NOTCH1: variants seen among roughly 807,000 people sequenced by gnomAD.
The protein encoded by NOTCH1 is neurogenic locus notch homolog protein 1.
A neutral mutation model predicts 254.8 loss-of-function variants in NOTCH1; 37 were observed. The observed-to-expected ratio is 0.15, with a 90% confidence interval of 0.11 to 0.19. NOTCH1 has a LOEUF of 0.19. Among genes scored for constraint, NOTCH1 ranks in the 10% least tolerant of loss-of-function variants. The pLI, the probability that NOTCH1 is intolerant of heterozygous loss-of-function variation, is 1.00. For synonymous variants in NOTCH1, 1,731 were observed against 1,618.1 expected, an observed-to-expected ratio of 1.07 and a Z score of -1.68; for missense variants, 2,972 against 3,708.6, an observed-to-expected ratio of 0.80 and a Z score of 5.16.
intron 2 of NOTCH1, among the ~76,000 whole-genome samples, chr9:136,531,505 C>G (rs569800776): frequency 6.6e-6 from 1 of 152,232 alleles, no homozygotes; most frequent in Non-Finnish European, 1.5e-5. Context: ...CTCCCAGGAC[C>G]GGGAAGTCTG....
rs1227337588 is a variant in NOTCH1 at position 136,515,977 on chromosome 9, G to T, written c.1669+4C>A. ...CCTCCCCGCTGGTGGGCGCCAGCCC[G>T]CACCTTCCGTGCACACACAGGTGTA... is the stretch of plus-strand genomic sequence containing the variant. On this transcript the variant is annotated splice_donor_region_variant and intron_variant, in intron 10 of 33. Transcript: ENST00000651671. 2 of 1,606,168 alleles carry T rather than the reference G, an allele frequency of 1.2e-6. No homozygotes were observed. The highest frequency in any genetic ancestry group is 1.7e-6 in the Non-Finnish European group (2 of 1,176,618).
intron 12 of NOTCH1, among the ~76,000 whole-genome samples, 200 bp downstream of exon 12, chr9:136,515,090 C>T (rs375615538): frequency 2.0e-5 from 3 of 152,184 alleles, no homozygotes; most frequent in African/African-American, 4.8e-5. Flanking sequence ...CAGCTCTGAC[C>T]GGAGACAAGA....
intron 2 of NOTCH1, among the ~76,000 whole-genome samples, 182 bp from the exon 3 acceptor site, chr9:136,524,161 C>T (rs560203836): frequency 5.3e-5 from 8 of 152,310 alleles, no homozygotes; most frequent in East Asian, 1.9e-4. Context: ...ACACATGCCG[C>T]GATTGCACAA....
At chr9:136,516,712 A>T (rs1351875982) in intron 9 of NOTCH1, among the ~76,000 whole-genome samples, 1 of 152,066 alleles carries the variant, frequency 6.6e-6, no homozygotes, top group Non-Finnish European at 1.5e-5. Context: ...AGCTCCTGGT[A>T]TACCCTTCTC....
At chr9:136,532,776 G>T (rs956397308) in intron 2 of NOTCH1, among the ~76,000 whole-genome samples, 1 of 152,184 alleles carries the variant, frequency 6.6e-6, no homozygotes, top group Non-Finnish European at 1.5e-5. Context: ...GCCCGGGGTC[G>T]CACGGCCCAC....
chr9:136,537,128 G>T (rs1843668495), intron 2 of NOTCH1, among the ~76,000 whole-genome samples: 1 of 152,218 alleles, frequency 6.6e-6, no homozygotes, highest in African/African-American at 2.4e-5. Flanking sequence ...TGGCTGTCGG[G>T]TGGCTGCACC....
rs1842927436 is a variant in NOTCH1, at chr9:136,497,009, T to A, written c.6730A>T (p.Ile2244Phe). ...TTGGCCGCCACGTTCAGGTGCCCGA[T>A]GCCCAGGTGGGTGTCGGGCATCCCA... ...LPGMPDTHLG[I>F]GHLNVAAKPE... The change falls in exon 34 of 34, where the codon ATC (isoleucine) becomes TTC (phenylalanine). Residue 2244 changes from isoleucine (I) to phenylalanine (F), a missense_variant. Transcript: ENST00000651671. The A allele has an allele frequency of 1.2e-6, 2 of 1,609,942 alleles. No homozygotes were observed. The highest frequency in any genetic ancestry group is 1.7e-6 in the Non-Finnish European group (2 of 1,178,634).
intron 18 of NOTCH1, 51 bp from the exon 19 acceptor site, chr9:136,509,122 C>T (rs1843137214): frequency 6.7e-7 from 1 of 1,493,558 alleles, no homozygotes; most frequent in Non-Finnish European, 9.1e-7. Flanking sequence ...TGGTGGGTCC[C>T]CGCTCCAGCA....
intron 2 of NOTCH1, among the ~76,000 whole-genome samples, chr9:136,537,293 C>A (rs963159965): frequency 1.3e-5 from 2 of 152,214 alleles, no homozygotes; most frequent in African/African-American, 4.8e-5. Flanking sequence ...CAGAAGAATG[C>A]AGTTCTAGTC....
rs1437031558 is a variant in NOTCH1, at chr9:136,546,014, G to A, written c.-228C>T. 1.3e-5 allele frequency among the ~76,000 whole-genome samples: 2 copies of A among 148,160 alleles called. No individual in the cohort carries two copies. Among genetic ancestry groups the A allele is most frequent in the Non-Finnish European group, 3.0e-5 (2 of 66,784 alleles). On this transcript the variant is annotated 5_prime_UTR_variant, in exon 1 of 34. Coordinates refer to ENST00000651671, the MANE Select transcript of NOTCH1 (RefSeq NM_017617.5). ...CCCGCGCCCGCGCCCCGCGCCCCGC[G>A]CCCTTGCGCTCCCTCCCGCGGCCGA...
At chr9:136,501,459 A>AG (rs1842994413) in intron 30 of NOTCH1, among the ~76,000 whole-genome samples, 3 of 151,536 alleles carry the variant, frequency 2.0e-5, no homozygotes, top group African/African-American at 7.3e-5. Context: ...AGAAAAAAAA[A>AG]AAGAAAAAGA....
chr9:136,531,967 G>A (rs1170152530), intron 2 of NOTCH1, among the ~76,000 whole-genome samples: 2 of 152,214 alleles, frequency 1.3e-5, no homozygotes, highest in Admixed American at 6.5e-5. Context: ...CTCGCCTGCC[G>A]GCCCAGTCCC....
chr9:136,507,062 G>A, intron 22 of NOTCH1, 89 bp from the exon 23 acceptor site: 3 of 1,542,682 alleles, frequency 1.9e-6, no homozygotes, highest in Non-Finnish European at 2.6e-6. Flanking sequence ...GAGCGCTCAG[G>A]TCTGGGGCTG....
intron 15 of NOTCH1, among the ~76,000 whole-genome samples, chr9:136,512,431 G>A (rs1166359030): frequency 6.6e-6 from 1 of 152,202 alleles, no homozygotes; most frequent in Non-Finnish European, 1.5e-5. Context: ...CTTTTCTAGA[G>A]GAGATCATTT....
chr9:136,511,245 G>GGGCCAGCACCACCTCACACGT lies in NOTCH1; in HGVS notation c.2473_2493dup (p.Thr825_Ala831dup). 3.7e-6 allele frequency: 6 copies of GGGCCAGCACCACCTCACACGT among 1,612,470 alleles called. No individual in the cohort carries two copies. Among genetic ancestry groups the GGGCCAGCACCACCTCACACGT allele is most frequent in the Non-Finnish European group, 5.1e-6 (6 of 1,179,930 alleles). On this transcript the variant is annotated inframe_insertion, in exon 16 of 34. Coordinates refer to ENST00000651671, the MANE Select transcript of NOTCH1 (RefSeq NM_017617.5). ...TTTCTGCAGGGGCTGGGGGCACACG[G>GGGCCAGCACCACCTCACACGT]GGCCAGCACCACCTCACACGTGGCA... is the stretch of plus-strand genomic sequence containing the variant.
Position 136,516,041 on chromosome 9 carries a change from A to AG in NOTCH1, c.1608dup (p.Cys537LeufsTer33). ...TCCAGGCACTTGGCACCATTCTTGC[A>AG]GGGGGTGCTGGCACACTCGTCCACA... On this transcript the variant is annotated frameshift_variant, in exon 10 of 34. Coordinates refer to ENST00000651671, the MANE Select transcript of NOTCH1 (RefSeq NM_017617.5). LOFTEE classifies it high-confidence loss of function. The AG allele has an allele frequency of 6.2e-7, 1 of 1,612,230 alleles. No homozygotes were observed.
At position 136,496,086 on chromosome 9, in the gene NOTCH1, C is replaced by T. The variant is rs759443061; in HGVS notation, c.7653G>A (p.Pro2551=). The part of the protein sequence containing the change: ...TSMQSQIARI[P]EAFK The stretch of plus-strand genomic sequence containing the variant: ...GGCGCGCCGTTTACTTGAAGGCCTC[C>T]GGAATGCGGGCGATCTGGGACTGCA... The change falls in exon 34 of 34, where the codon CCG becomes CCA. Residue 2551 remains proline, a synonymous_variant. Transcript: ENST00000651671. 54 of 1,605,042 alleles carry T rather than the reference C, an allele frequency of 3.4e-5. No homozygotes were observed. Among genetic ancestry groups the T allele is most frequent in the Non-Finnish European group, 3.8e-5 (45 of 1,179,062 alleles).
chr9:136,536,177 G>A (rs139668105), intron 2 of NOTCH1, among the ~76,000 whole-genome samples: 12 of 152,274 alleles, frequency 7.9e-5, no homozygotes, highest in Admixed American at 2.6e-4. Context: ...CAGGCACCCC[G>A]ATGCTAACAC....
At chr9:136,522,029 G>A (rs1564202378) in intron 4 of NOTCH1, among the ~76,000 whole-genome samples, 1 of 150,668 alleles carries the variant, frequency 6.6e-6, no homozygotes, top group Non-Finnish European at 1.5e-5. Context: ...CCAGGCTGGA[G>A]TGCAGTGGCG....
Sources: gnomAD v4.1 joint callset for allele counts (sites outside exome capture counted in the v4.1 genomes callset) on GRCh38, gnomAD v4.1.1 for gene constraint, MANE v1.5 for transcripts, NCBI Gene and HGNC (gene_info 2026-07-23, HGNC 2026-07-21) for gene names.